Variants in EYS observed in about 807,000 individuals in gnomAD.
The protein encoded by EYS is EGF-like photoreceptor maintenance factor.
Under a neutral mutation model 282.1 loss-of-function variants are expected in EYS, and 250 were observed. The ratio of observed to expected loss-of-function variants is 0.89; its 90% CI spans 0.80 to 0.98. The LOEUF (loss-of-function observed/expected upper bound fraction) is 0.98. Ranked by LOEUF, EYS falls within the 50% of genes least tolerant of loss-of-function variation. The pLI, the probability that EYS is intolerant of heterozygous loss-of-function variation, is 0.00. For missense variants in EYS, 4,016 were observed against 3,709.0 expected (o/e 1.08, Z -2.15); for synonymous variants, 1,355 against 1,282.9 (o/e 1.06, Z -1.20).
At chr6:64,203,666 A>C (rs960987245) in intron 31 of EYS, among the ~76,000 whole-genome samples, 2 of 152,216 alleles carry the variant, frequency 1.3e-5, no homozygotes, top group African/African-American at 4.8e-5. Context: ...AAAAGGAGGG[A>C]CATTAAAAAT....
intron 26 of EYS, among the ~76,000 whole-genome samples, chr6:64,576,115 G>A (rs1258685136): frequency 2.6e-5 from 4 of 152,046 alleles, no homozygotes. Context: ...TAAAAATCTT[G>A]GAAAATGCAT....
At chr6:64,048,347 A>G (rs1265306800) in intron 33 of EYS, among the ~76,000 whole-genome samples, 1 of 152,128 alleles carries the variant, frequency 6.6e-6, no homozygotes, top group Non-Finnish European at 1.5e-5. Context: ...GAGCTACTCC[A>G]TAACTTTCCA....
chr6:64,811,983 G>A (rs528880899), intron 22 of EYS, among the ~76,000 whole-genome samples: 1 of 152,150 alleles, frequency 6.6e-6, no homozygotes, highest in African/African-American at 2.4e-5. Context: ...TGAACAAAAT[G>A]TATTTCCATG....
At chr6:64,491,445 A>G (rs1488489179) in intron 26 of EYS, among the ~76,000 whole-genome samples, 1 of 150,968 alleles carries the variant, frequency 6.6e-6, no homozygotes, top group Non-Finnish European at 1.5e-5. Flanking sequence ...ACATTTTCAA[A>G]TTTTCAGAAA....
At chr6:63,745,229 C>CA (rs1407331469) in intron 41 of EYS, among the ~76,000 whole-genome samples, 2 of 151,994 alleles carry the variant, frequency 1.3e-5, no homozygotes, top group Non-Finnish European at 2.9e-5. Context: ...GGCTTTCCAC[C>CA]AAAAAACTGG....
intron 19 of EYS, among the ~76,000 whole-genome samples, chr6:64,879,949 C>T (rs1186820935): frequency 6.6e-6 from 1 of 151,912 alleles, no homozygotes; most frequent in Non-Finnish European, 1.5e-5. Context: ...AAAGAAGTTG[C>T]TTCTGGAAGC....
At chr6:64,450,143 A>T (rs970586002) in intron 26 of EYS, among the ~76,000 whole-genome samples, 3 of 152,068 alleles carry the variant, frequency 2.0e-5, no homozygotes, top group African/African-American at 7.3e-5. Flanking sequence ...ATAGGCTCAA[A>T]ATAAAGGGAT....
At chr6:65,229,006 TA>T (rs1241711491) in intron 12 of EYS, among the ~76,000 whole-genome samples, 4 of 151,834 alleles carry the variant, frequency 2.6e-5, no homozygotes, top group African/African-American at 9.7e-5. Context: ...ATACAAAAAT[TA>T]AGACAAAATG....
chr6:65,623,130 G>A (rs1562295269), intron 2 of EYS, among the ~76,000 whole-genome samples: 1 of 151,978 alleles, frequency 6.6e-6, no homozygotes, highest in Non-Finnish European at 1.5e-5. Flanking sequence ...TTACAGAATT[G>A]GGAGGAAAGA....
chr6:64,372,715 A>ATT (rs1259593010), intron 29 of EYS, among the ~76,000 whole-genome samples: 1 of 152,172 alleles, frequency 6.6e-6, no homozygotes, highest in African/African-American at 2.4e-5. Flanking sequence ...ACATAATCCC[A>ATT]TATTTGTCAG....
intron 26 of EYS, among the ~76,000 whole-genome samples, chr6:64,534,690 G>C (rs1396001760): frequency 6.6e-6 from 1 of 151,818 alleles, no homozygotes; most frequent in Non-Finnish European, 1.5e-5. Context: ...AAATTTGGCT[G>C]TTCCAATTAA....
At chr6:64,031,369 C>G (rs1347232062) in intron 33 of EYS, among the ~76,000 whole-genome samples, 20 of 152,222 alleles carry the variant, frequency 1.3e-4, no homozygotes, top group Admixed American at 1.3e-3. Flanking sequence ...GGACTGCGGA[C>G]ATGCAGCCTG....
At chr6:65,296,312 A>G (rs1269018483) in intron 11 of EYS, among the ~76,000 whole-genome samples, 193 bp from the exon 12 acceptor site, 4 of 152,030 alleles carry the variant, frequency 2.6e-5, no homozygotes, top group African/African-American at 9.7e-5. Flanking sequence ...GTGCAGAATT[A>G]TGAGTGAAAA....
At chr6:64,796,420 G>A (rs572709982) in intron 22 of EYS, among the ~76,000 whole-genome samples, 29 of 152,276 alleles carry the variant, frequency 1.9e-4, no homozygotes, top group African/African-American at 6.7e-4. Flanking sequence ...AACCCATTAA[G>A]GGGAGAGGAT....
intron 1 of EYS, among the ~76,000 whole-genome samples, chr6:65,682,110 C>A (rs1264785624): frequency 1.3e-5 from 2 of 151,924 alleles, no homozygotes; most frequent in Non-Finnish European, 2.9e-5. Flanking sequence ...ACCACAATTG[C>A]AATATTGTTG....
chr6:64,307,157 C>A (rs1030911937), intron 29 of EYS, 75 bp from the exon 30 acceptor site: 1 of 792,032 alleles, frequency 1.3e-6, no homozygotes, highest in Admixed American at 2.2e-5. Context: ...TTGCTTCAAA[C>A]TGGTCAGGGT....
intron 35 of EYS, among the ~76,000 whole-genome samples, chr6:63,867,150 T>C (rs1443797435): frequency 6.6e-6 from 1 of 152,184 alleles, no homozygotes; most frequent in Admixed American, 6.6e-5. Flanking sequence ...ATGGATCTTA[T>C]GTAAGACAGT....
chr6:63,829,817 G>A (rs985338197), intron 36 of EYS, among the ~76,000 whole-genome samples: 2 of 152,220 alleles, frequency 1.3e-5, no homozygotes, highest in Non-Finnish European at 2.9e-5. Flanking sequence ...CCTCCCAGTA[G>A]GGGATGACTG....
Position 65,598,296 on chromosome 6 carries a change from C to CT in EYS, c.-333+41481dup, listed in dbSNP as rs1209437943. On this transcript the variant is annotated intron_variant, in intron 2 of 42. Coordinates refer to ENST00000503581, the MANE Select transcript of EYS (RefSeq NM_001142800.2). The stretch of plus-strand genomic sequence containing the variant: ...CTCTCCTGGTATTTAGTACTTCCTT[C>CT]TTTTTTTTCTCTTTTATCAGGAAAA... Among the ~76,000 whole-genome samples, 154 of 129,918 alleles carry CT rather than the reference C, an allele frequency of 1.2e-3. 1 individual carries two copies. The highest frequency in any genetic ancestry group is 4.0e-3 in the African/African-American group (137 of 34,136). The allele number at this position is 129,918 out of a possible 152,430, so 85.2% of individuals were successfully genotyped here.
Sources: gnomAD v4.1 joint callset for allele counts (sites outside exome capture counted in the v4.1 genomes callset) on GRCh38, gnomAD v4.1.1 for gene constraint, MANE v1.5 for transcripts, NCBI Gene and HGNC (gene_info 2026-07-23, HGNC 2026-07-21) for gene names.